The following GOLM1 variants were observed in gnomAD, a reference collection of about 807,000 sequenced individuals.
GOLM1 encodes golgi membrane protein 1, also known as epididymis luminal protein 46.
In GOLM1, 31 loss-of-function variants were observed where a neutral mutation model predicts 50.5. The ratio of observed to expected loss-of-function variants is 0.61; its 90% CI spans 0.46 to 0.83. GOLM1 has a LOEUF of 0.83. Ranked by LOEUF, GOLM1 falls within the 40% of genes least tolerant of loss-of-function variation. The pLI is 0.00. For missense variants in GOLM1, 491 were observed against 501.3 expected (o/e 0.98, Z 0.20); for synonymous variants, 178 against 192.8 (o/e 0.92, Z 0.64).
intron 1 of GOLM1, among the ~76,000 whole-genome samples, chr9:86,090,887 G>T (rs951577928): frequency 6.6e-6 from 1 of 151,734 alleles, no homozygotes; most frequent in Non-Finnish European, 1.5e-5. Flanking sequence ...CCCTGGTGGT[G>T]TAGGCACCTG....
chr9:86,034,892 C>T, intron 8 of GOLM1: 2 of 540,498 alleles, frequency 3.7e-6, no homozygotes, highest in Non-Finnish European at 4.7e-6. Flanking sequence ...GTCAACCAAA[C>T]CAAAAAGGAG....
chr9:86,047,296 C>T (rs1307935426), intron 4 of GOLM1, among the ~76,000 whole-genome samples: 1 of 152,200 alleles, frequency 6.6e-6, no homozygotes, highest in African/African-American at 2.4e-5. Flanking sequence ...AGCAGCCAGG[C>T]CCGGACACAG....
At chr9:86,084,427 C>T (rs570090880) in intron 1 of GOLM1, among the ~76,000 whole-genome samples, 1 of 152,272 alleles carries the variant, frequency 6.6e-6, no homozygotes, top group Non-Finnish European at 1.5e-5. Flanking sequence ...CACGGCACCT[C>T]TACAGCCTCC....
chr9:86,037,778 C>T (rs188741318), intron 6 of GOLM1, among the ~76,000 whole-genome samples: 5 of 152,152 alleles, frequency 3.3e-5, no homozygotes, highest in Non-Finnish European at 1.5e-5. Flanking sequence ...GACATCACCA[C>T]GGGAACTGGT....
intron 9 of GOLM1, among the ~76,000 whole-genome samples, chr9:86,030,408 A>C (rs1447171327): frequency 1.3e-5 from 2 of 152,148 alleles, no homozygotes; most frequent in Non-Finnish European, 2.9e-5. Context: ...TGAAAATTCA[A>C]ATTAGGACTT....
chr9:86,092,071 C>T (rs1835202092), intron 1 of GOLM1, among the ~76,000 whole-genome samples: 1 of 152,170 alleles, frequency 6.6e-6, no homozygotes, highest in Admixed American at 6.5e-5. Context: ...AACTCCAAGA[C>T]TGGAACCCCA....
At chr9:86,065,001 G>A (rs1263692493) in intron 3 of GOLM1, among the ~76,000 whole-genome samples, 1 of 152,228 alleles carries the variant, frequency 6.6e-6, no homozygotes, top group African/African-American at 2.4e-5. Context: ...TGTGGGAGGT[G>A]CAGAACAGAG....
At chr9:86,099,364 G>A (rs1188132954) in intron 1 of GOLM1, 47 bp downstream of exon 1, 4 of 151,744 alleles carry the variant, frequency 2.6e-5, no homozygotes, top group African/African-American at 9.7e-5. Flanking sequence ...GGGAGGAAGC[G>A]ATGGACCGCG....
intron 1 of GOLM1, among the ~76,000 whole-genome samples, chr9:86,081,879 A>G (rs1834793755): frequency 6.7e-6 from 1 of 148,236 alleles, no homozygotes; most frequent in Non-Finnish European, 1.5e-5. Flanking sequence ...ACAGAGCGAG[A>G]CTCTGATTAA....
intron 1 of GOLM1, chr9:86,079,955 T>A (rs1258763044): frequency 6.6e-6 from 1 of 151,386 alleles, no homozygotes; most frequent in African/African-American, 2.4e-5. Context: ...CTCCCCCCCA[T>A]GTACATCATT....
chr9:86,057,803 G>A (rs570218424), intron 3 of GOLM1, among the ~76,000 whole-genome samples: 135 of 152,308 alleles, frequency 8.9e-4, no homozygotes, highest in African/African-American at 3.1e-3. Context: ...GGAGACTGGC[G>A]GCTCTGTCCC....
chr9:86,028,261 G>A (rs557627376), intron 9 of GOLM1, among the ~76,000 whole-genome samples: 5 of 152,280 alleles, frequency 3.3e-5, no homozygotes, highest in East Asian at 1.9e-4. Flanking sequence ...AGACCCCAGC[G>A]GGCACACACA....
chr9:86,066,328 C>G (rs904385045), intron 3 of GOLM1, among the ~76,000 whole-genome samples: 4 of 152,174 alleles, frequency 2.6e-5, no homozygotes, highest in African/African-American at 9.7e-5. Flanking sequence ...GGGCAGCTCC[C>G]TGAAACCACC....
At chr9:86,077,644 G>T in intron 2 of GOLM1, 53 bp from the exon 3 acceptor site, 1 of 1,354,142 alleles carries the variant, frequency 7.4e-7, no homozygotes. Context: ...GAGGAGCCTG[G>T]ACCACCTGAG....
intron 7 of GOLM1, among the ~76,000 whole-genome samples, chr9:86,036,111 G>A (rs1833134149): frequency 6.6e-6 from 1 of 151,560 alleles, no homozygotes; most frequent in Admixed American, 6.6e-5. Flanking sequence ...CTGCATAAAG[G>A]TGCAGCCTGG....
chr9:86,050,943 T>C (rs1237353490), intron 4 of GOLM1, among the ~76,000 whole-genome samples: 1 of 152,228 alleles, frequency 6.6e-6, no homozygotes, highest in Non-Finnish European at 1.5e-5. Flanking sequence ...CTAGTTCTTT[T>C]AATTGTGGTG....
rs1456785190 is a variant in GOLM1 at position 86,036,482 on chromosome 9, G to T, written c.623C>A (p.Pro208His). Reference sequence around the variant, plus strand: ...TGGCAGGCCTGCTGCCTGCAGCCTGGGCTGAGGCTCACTGAGGGCTTGGAG... The same window carrying T: ...TGGCAGGCCTGCTGCCTGCAGCCTGTGCTGAGGCTCACTGAGGGCTTGGAG... Reference protein sequence around the residue: ...QQLQALSEPQPRLQAAGLPHT... With the variant: ...QQLQALSEPQHRLQAAGLPHT... The change falls in exon 7 of 10, where the codon CCC becomes CAC. Residue 208 changes from proline to histidine, a missense_variant. By Grantham distance (77) the Pro-to-His change is moderately conservative. Coordinates refer to ENST00000388712, the MANE Select transcript of GOLM1 (RefSeq NM_016548.4). The T allele has an allele frequency of 6.2e-7, 1 of 1,614,112 alleles. No homozygotes were observed. The highest frequency in any genetic ancestry group is 1.7e-5 in the Admixed American group (1 of 60,020).
intron 4 of GOLM1, among the ~76,000 whole-genome samples, chr9:86,050,850 T>C (rs1049470437): frequency 3.3e-5 from 5 of 152,246 alleles, no homozygotes; most frequent in Admixed American, 3.3e-4. Flanking sequence ...GGGTTTCTTT[T>C]GTCTCCATCT....
At chr9:86,098,887 G>T (rs1453054712) in intron 1 of GOLM1, among the ~76,000 whole-genome samples, 1 of 152,142 alleles carries the variant, frequency 6.6e-6, no homozygotes, top group African/African-American at 2.4e-5. Context: ...CACCAGCCAC[G>T]AGGCCCAGCG....
Sources: allele counts gnomAD v4.1 joint callset (sites outside exome capture counted in the v4.1 genomes callset), GRCh38; gene constraint gnomAD v4.1.1; transcripts MANE v1.5; gene names NCBI Gene and HGNC (gene_info 2026-07-23, HGNC 2026-07-21).